The following FRMPD4 variants were observed in gnomAD, a reference collection of about 807,000 sequenced individuals.
The protein encoded by FRMPD4 is FERM and PDZ domain-containing protein 4.
A neutral mutation model predicts 94.1 loss-of-function variants in FRMPD4; 22 were observed. The observed-to-expected ratio is 0.23, with a 90% CI of 0.17 to 0.33. The LOEUF (loss-of-function observed/expected upper bound fraction) is 0.33. Among genes scored for constraint, FRMPD4 ranks in the 10% least tolerant of loss-of-function variants. The probability of loss-of-function intolerance (pLI) is 1.00; values close to 1 mark genes in which losing one functional copy is unlikely to be tolerated. For missense variants in FRMPD4, 1,111 were observed against 1,339.9 expected, an observed-to-expected ratio of 0.83 and a Z score of 2.67; for synonymous variants, 631 against 548.6, an observed-to-expected ratio of 1.15 and a Z score of -2.10.
rs748995640 is a variant in FRMPD4, at chrX:12,154,340, C to T, written c.41+15328C>T. On this transcript the variant is annotated intron_variant, in intron 1 of 16. Coordinates refer to ENST00000675598, the MANE Select transcript of FRMPD4 (RefSeq NM_001368397.1). ...CTTTCCCACAAAGGAGATGTAATAG[C>T]CCACACTTGCTATGCAGGAAATGAT... 2.7e-5 allele frequency among the ~76,000 whole-genome samples: 3 copies of T among 112,778 alleles called. No homozygotes were observed. The South Asian group carries it at 1.1e-3, about 41-fold the overall frequency.
chrX:12,510,304 G>A (rs5979640), intron 2 of FRMPD4, among the ~76,000 whole-genome samples: 15,270 of 111,647 alleles, frequency 0.14, 1,193 homozygotes, highest in African/African-American at 0.3. Flanking sequence ...TGAATAAAAT[G>A]TGGACTTTAG....
chrX:12,376,221 A>G (rs1465014337), intron 1 of FRMPD4, among the ~76,000 whole-genome samples: 3 of 112,418 alleles, frequency 2.7e-5, no homozygotes, highest in African/African-American at 6.5e-5. Context: ...AGCTGTTTCC[A>G]TATACCCCTG....
chrX:11,855,240 G>A (rs2053647644), intron 1 of FRMPD4, among the ~76,000 whole-genome samples: 1 of 111,376 alleles, frequency 9.0e-6, no homozygotes, highest in African/African-American at 3.3e-5. Flanking sequence ...GAGCAGGGAG[G>A]CCCTGGGCCT....
chrX:12,610,072 A>G (rs764727690), intron 3 of FRMPD4, among the ~76,000 whole-genome samples, 191 bp downstream of exon 3: 1 of 112,433 alleles, frequency 8.9e-6, no homozygotes, highest in Non-Finnish European at 1.9e-5. Flanking sequence ...CAAATCCATC[A>G]TTATCACCAG....
chrX:11,822,897 G>T (rs750966820), intron 1 of FRMPD4, among the ~76,000 whole-genome samples: 1 of 111,898 alleles, frequency 8.9e-6, no homozygotes, highest in South Asian at 3.7e-4. Context: ...ATTTATTTCT[G>T]GTTCTTCCTT....
At chrX:11,955,483 A>AATGTATGT (rs61232615) in intron 3 of FRMPD4, among the ~76,000 whole-genome samples, 5,893 of 107,913 alleles carry the variant, frequency 0.055, 467 homozygotes, top group African/African-American at 0.19. Context: ...TAAATAAATA[A>AATGTATGT]ATGTATGTAT....
chrX:12,538,636 G>A (rs1451361791), intron 2 of FRMPD4, among the ~76,000 whole-genome samples: 1 of 111,630 alleles, frequency 9.0e-6, no homozygotes, highest in Non-Finnish European at 1.9e-5. Context: ...GCTTCCAGAG[G>A]AACGATCAGG....
At chrX:12,224,340 C>T (rs1286277562) in intron 1 of FRMPD4, among the ~76,000 whole-genome samples, 2 of 110,641 alleles carry the variant, frequency 1.8e-5, no homozygotes, top group East Asian at 5.6e-4. Flanking sequence ...CCTCAACCTC[C>T]CCAGGCTCAG....
chrX:12,150,871 T>G (rs1191089782), intron 1 of FRMPD4, among the ~76,000 whole-genome samples: 1 of 111,587 alleles, frequency 9.0e-6, no homozygotes, highest in Non-Finnish European at 1.9e-5. Context: ...GGGAGTTTTT[T>G]TATACTTAAT....
At chrX:12,410,416 G>GT (rs899306187) in intron 1 of FRMPD4, among the ~76,000 whole-genome samples, 5 of 110,960 alleles carry the variant, frequency 4.5e-5, no homozygotes, top group South Asian at 3.8e-4. Context: ...TTTCTAATCT[G>GT]TTTTTTTTCC....
At chrX:12,289,177 T>C (rs2054648267) in intron 1 of FRMPD4, among the ~76,000 whole-genome samples, 1 of 111,592 alleles carries the variant, frequency 9.0e-6, no homozygotes, top group South Asian at 3.8e-4. Flanking sequence ...TCATTTCCTC[T>C]ACTTTCAATC....
intron 1 of FRMPD4, among the ~76,000 whole-genome samples, chrX:12,448,317 A>T (rs946514071): frequency 1.8e-5 from 2 of 112,361 alleles, no homozygotes; most frequent in Admixed American, 1.9e-4. Flanking sequence ...AATTCATGTT[A>T]TCGGACAATA....
In FRMPD4 at chrX:12,718,797, C is replaced by A. The variant is rs768150299; in HGVS notation, c.3964+7C>A. ...AAGATTAAGGAAACCACAGGTACAGCAATGATGGATTTAGCACTTTGTATG... is the reference window on the plus strand; with the variant it reads ...AAGATTAAGGAAACCACAGGTACAGAAATGATGGATTTAGCACTTTGTATG... On this transcript the variant is annotated splice_region_variant and intron_variant, in intron 16 of 16. Coordinates refer to ENST00000675598, the MANE Select transcript of FRMPD4 (RefSeq NM_001368397.1). 107 of 1,111,474 alleles carry A rather than the reference C, an allele frequency of 9.6e-5. No homozygotes were observed. Among genetic ancestry groups the A allele is most frequent in the Non-Finnish European group, 1.3e-4 (102 of 809,542 alleles). 91.6% of individuals were successfully genotyped at this position (1,111,474 alleles called of 1,213,427 possible).
intron 4 of FRMPD4, among the ~76,000 whole-genome samples, chrX:12,664,947 C>T (rs1416438008): frequency 9.0e-6 from 1 of 111,155 alleles, no homozygotes; most frequent in African/African-American, 3.3e-5. Flanking sequence ...TGTATGTGTC[C>T]AGGAATTTAT....
At chrX:12,548,867 T>C (rs1376733795) in intron 2 of FRMPD4, among the ~76,000 whole-genome samples, 1 of 111,274 alleles carries the variant, frequency 9.0e-6, no homozygotes, top group Non-Finnish European at 1.9e-5. Context: ...AAGCTAAATC[T>C]AGGCTGGTGA....
At chrX:12,360,366 T>C (rs1223869080) in intron 1 of FRMPD4, among the ~76,000 whole-genome samples, 1 of 111,866 alleles carries the variant, frequency 8.9e-6, no homozygotes, top group Admixed American at 9.5e-5. Flanking sequence ...CTTGAAAATA[T>C]ATAGTTCACT....
At chrX:12,314,171 G>A (rs761321695) in intron 1 of FRMPD4, among the ~76,000 whole-genome samples, 10 of 112,357 alleles carry the variant, frequency 8.9e-5, no homozygotes, top group African/African-American at 3.2e-4. Flanking sequence ...TATCAATTAG[G>A]CATGGAGAAA....
At chrX:12,472,258 G>A (rs2057522957) in intron 1 of FRMPD4, among the ~76,000 whole-genome samples, 1 of 112,162 alleles carries the variant, frequency 8.9e-6, no homozygotes, top group Non-Finnish European at 1.9e-5. Flanking sequence ...TGAGAAGCTA[G>A]GTTTGTGACA....
chrX:12,077,677 A>T (rs190682412), intron 3 of FRMPD4, among the ~76,000 whole-genome samples: 15 of 111,158 alleles, frequency 1.3e-4, no homozygotes, highest in Admixed American at 2.9e-4. Flanking sequence ...AATTTTCTAT[A>T]CATAGTTCTC....
Sources: allele counts gnomAD v4.1 joint callset (sites outside exome capture counted in the v4.1 genomes callset), GRCh38; gene constraint gnomAD v4.1.1; transcripts MANE v1.5; gene names NCBI Gene and HGNC (gene_info 2026-07-23, HGNC 2026-07-21).